The following STAG2 variants were observed in gnomAD, a reference collection of about 807,000 sequenced individuals.
STAG2 encodes the protein cohesin subunit SA-2.
A neutral mutation model predicts 108.1 loss-of-function variants in STAG2; 14 were observed. The observed-to-expected ratio is 0.13, with a 90% CI of 0.09 to 0.20. The LOEUF (loss-of-function observed/expected upper bound fraction) is 0.20, where lower values mean the gene tolerates loss of function less well. Ranked by LOEUF, STAG2 falls within the 10% of genes least tolerant of loss-of-function variation. STAG2 has a pLI of 1.00. For synonymous variants in STAG2, 307 were observed against 302.7 expected, an observed-to-expected ratio of 1.01 and a Z score of -0.15; for missense variants, 440 against 940.9, an observed-to-expected ratio of 0.47 and a Z score of 6.96.
intron 3 of STAG2, among the ~76,000 whole-genome samples, 156 bp from the exon 4 acceptor site, chrX:124,025,684 G>A (rs1358467919): frequency 1.8e-5 from 2 of 111,516 alleles, no homozygotes; most frequent in Admixed American, 1.9e-4. Flanking sequence ...ACGTGCTATA[G>A]TATGATGTTT....
At chrX:124,051,515 G>A (rs1005440075) in intron 13 of STAG2, 121 bp downstream of exon 13, 13 of 423,257 alleles carry the variant, frequency 3.1e-5, no homozygotes, top group Non-Finnish European at 5.1e-5. Context: ...GAGGTTTACA[G>A]CTAGAAGTTG....
intron 27 of STAG2, among the ~76,000 whole-genome samples, chrX:124,079,435 A>G (rs767000777): frequency 1.8e-5 from 2 of 109,605 alleles, no homozygotes; most frequent in South Asian, 4.3e-4. Flanking sequence ...CACCGTACCC[A>G]GCCAGGAATG....
At chrX:123,988,053 A>G (rs1377007937) in intron 1 of STAG2, among the ~76,000 whole-genome samples, 4 of 111,982 alleles carry the variant, frequency 3.6e-5, no homozygotes, top group Non-Finnish European at 7.5e-5. Context: ...TCAGGGTATT[A>G]TAATGCTATG....
intron 34 of STAG2, among the ~76,000 whole-genome samples, chrX:124,100,240 C>T (rs2059479817): frequency 9.0e-6 from 1 of 111,504 alleles, no homozygotes; most frequent in African/African-American, 3.2e-5. Flanking sequence ...TGAAGAAGCA[C>T]ATTCATTTAT....
chrX:124,067,138 T>C (rs1401629687), intron 23 of STAG2, among the ~76,000 whole-genome samples: 2 of 111,718 alleles, frequency 1.8e-5, no homozygotes, highest in African/African-American at 6.5e-5. Context: ...AAGTTTGTGT[T>C]GCCTAAACCC....
chrX:124,061,769 AG>A lies in STAG2; in HGVS notation c.1535-1del. 2.1e-6 allele frequency: 1 copy of A among 477,301 alleles called. No individual in the cohort carries two copies. Among genetic ancestry groups the A allele is most frequent in the Non-Finnish European group, 2.8e-6 (1 of 358,967 alleles). The allele number at this position is 477,301 out of a possible 1,213,427, so 39.3% of individuals were successfully genotyped here. On this transcript the variant is annotated splice_acceptor_variant, in intron 16 of 34. Transcript: ENST00000371145. LOFTEE classifies it high-confidence loss of function. ...TTTTTTTTTTTTTTTTTTTTTTTTTAGCACTAACAGATAGGCAAGAGAGTGC... is the reference window on the plus strand; with the variant it reads ...TTTTTTTTTTTTTTTTTTTTTTTTTACACTAACAGATAGGCAAGAGAGTGC...
chrX:123,964,247 T>C (rs2053995502), intron 1 of STAG2, among the ~76,000 whole-genome samples: 1 of 100,569 alleles, frequency 9.9e-6, no homozygotes, highest in African/African-American at 3.5e-5. Flanking sequence ...TTGGCAAAAC[T>C]TTCAAAAAAA....
chrX:124,051,462 G>T (rs1014471059), intron 13 of STAG2, 68 bp downstream of exon 13: 5 of 868,020 alleles, frequency 5.8e-6, no homozygotes, highest in Non-Finnish European at 8.0e-6. Flanking sequence ...AGAGTATTTG[G>T]TTCAGACTCA....
chrX:124,003,125 G>A (rs1460350363), intron 1 of STAG2, among the ~76,000 whole-genome samples: 3 of 107,988 alleles, frequency 2.8e-5, no homozygotes, highest in South Asian at 8.2e-4. Flanking sequence ...GTGCCACCAC[G>A]CCTGGCTAAT....
intron 24 of STAG2, among the ~76,000 whole-genome samples, chrX:124,070,041 A>G (rs2058627873): frequency 9.0e-6 from 1 of 111,444 alleles, no homozygotes; most frequent in East Asian, 2.8e-4. Context: ...GTAACCTCCT[A>G]TATAATCCCT....
intron 1 of STAG2, among the ~76,000 whole-genome samples, chrX:124,007,193 T>C (rs1488071986): frequency 2.9e-5 from 3 of 102,702 alleles, no homozygotes; most frequent in Non-Finnish European, 6.0e-5. Context: ...TCCCTCTCCT[T>C]TTTTGTAGAG....
chrX:124,027,173 C>G (rs182877804), intron 4 of STAG2, among the ~76,000 whole-genome samples: 194 of 112,269 alleles, frequency 1.7e-3, no homozygotes, highest in Non-Finnish European at 3.0e-3. Flanking sequence ...CTGCCTCAGC[C>G]TCCCAAAGTG....
chrX:124,013,322 CAA>C (rs1202623969), intron 1 of STAG2, among the ~76,000 whole-genome samples: 56 of 95,909 alleles, frequency 5.8e-4, no homozygotes, highest in African/African-American at 2.0e-3. Flanking sequence ...CACACACACA[CAA>C]ACACACACAC....
At chrX:124,067,373 A>G (rs201332951) in intron 23 of STAG2, among the ~76,000 whole-genome samples, 16 of 105,454 alleles carry the variant, frequency 1.5e-4, no homozygotes, top group African/African-American at 2.1e-4. Flanking sequence ...GGTTCAAGCA[A>G]TCCTCGTGCC....
intron 1 of STAG2, among the ~76,000 whole-genome samples, chrX:124,004,489 A>C (rs768398341): frequency 1.9e-4 from 21 of 112,001 alleles, no homozygotes; most frequent in Non-Finnish European, 3.6e-4. Context: ...TTCACTTAGC[A>C]CTGTTTTCTA....
Position 124,034,248 on chromosome X carries a change from A to G in STAG2, c.288+3123A>G, listed in dbSNP as rs767751440. On this transcript the variant is annotated intron_variant, in intron 5 of 34. Transcript: ENST00000371145. ...GGTTTCATTATGTTGCTCAGGCTGGACTTGAACTCCTGGGCTCAAGCAATC... is the reference window on the plus strand; with the variant it reads ...GGTTTCATTATGTTGCTCAGGCTGGGCTTGAACTCCTGGGCTCAAGCAATC... Among the ~76,000 whole-genome samples the G allele has an allele frequency of 6.3e-5, 7 of 110,957 alleles. No individual in the cohort carries two copies. The East Asian group carries it at 2.0e-3, about 31-fold the overall frequency.
chrX:124,063,230 A>G (rs748305761), intron 19 of STAG2, 25 bp downstream of exon 19: 2 of 1,078,702 alleles, frequency 1.9e-6, no homozygotes, highest in Non-Finnish European at 2.5e-6. Flanking sequence ...TGTAAAAAAA[A>G]CCTTTAAGAA....
intron 32 of STAG2, 42 bp from the exon 33 acceptor site, chrX:124,093,976 C>G: frequency 8.3e-7 from 1 of 1,198,455 alleles, no homozygotes; most frequent in Non-Finnish European, 1.1e-6. Flanking sequence ...TTAATAGTCA[C>G]GACATTAGTT....
At chrX:123,984,752 C>T (rs1251903687) in intron 1 of STAG2, among the ~76,000 whole-genome samples, 1 of 110,992 alleles carries the variant, frequency 9.0e-6, no homozygotes, top group Admixed American at 9.6e-5. Context: ...ATCCTCCCAC[C>T]TCAGCCTACG....
Sources: allele counts gnomAD v4.1 joint callset (sites outside exome capture counted in the v4.1 genomes callset), GRCh38; gene constraint gnomAD v4.1.1; transcripts MANE v1.5; gene names NCBI Gene and HGNC (gene_info 2026-07-23, HGNC 2026-07-21).